DPF3: variants seen among roughly 807,000 people sequenced by gnomAD.
The protein encoded by DPF3 is double PHD fingers 3.
DPF3 carries 18 observed loss-of-function variants against 56.8 expected under a neutral mutation model. The ratio of observed to expected loss-of-function variants is 0.32; its 90% CI spans 0.22 to 0.47. The LOEUF (loss-of-function observed/expected upper bound fraction) is 0.47, where lower values mean the gene tolerates loss of function less well. DPF3 is among the 20% of genes least tolerant of loss of function. DPF3 has a pLI of 1.00. For missense variants in DPF3, 403 were observed against 488.8 expected, an observed-to-expected ratio of 0.82 and a Z score of 1.65; for synonymous variants, 188 against 180.2, an observed-to-expected ratio of 1.04 and a Z score of -0.35.
chr14:72,716,256 T>C (rs561936138), intron 5 of DPF3, among the ~76,000 whole-genome samples: 2 of 152,124 alleles, frequency 1.3e-5, no homozygotes, highest in Admixed American at 1.3e-4. Flanking sequence ...CAGGTTTTCA[T>C]CTCCTACAGC....
intron 8 of DPF3, chr14:72,671,267 C>T (rs371575132): frequency 4.3e-6 from 7 of 1,613,844 alleles, no homozygotes; most frequent in African/African-American, 4.0e-5. Flanking sequence ...GACGTGGAAC[C>T]GAATAAGTCC....
chr14:72,753,305 G>A lies in DPF3; in HGVS notation c.260C>T (p.Pro87Leu). 1.2e-6 allele frequency: 2 copies of A among 1,613,730 alleles called. No individual in the cohort carries two copies. Among genetic ancestry groups the A allele is most frequent in the Non-Finnish European group, 1.7e-6 (2 of 1,179,852 alleles). The change falls in exon 3 of 11, where the codon CCA becomes CTA. Residue 87 changes from proline to leucine, a missense_variant. Physicochemically the swap from Pro to Leu is moderately conservative, Grantham distance 98. This residue lies in a region of DPF3 where 340 missense variants were observed against 374.3 expected (regional missense o/e 0.91). Transcript: ENST00000556509. The part of the protein sequence containing the change: ...RCWRKKRRLH[P>L]PEDPKLRLLE... Reference sequence around the variant, plus strand: ...CAGCCGCAGTTTTGGATCTTCAGGTGGGTGCAATCGTCTCTTCTTGCGCCA... The same window carrying A: ...CAGCCGCAGTTTTGGATCTTCAGGTAGGTGCAATCGTCTCTTCTTGCGCCA...
chr14:72,685,153 A>G (rs1887353585), intron 7 of DPF3, among the ~76,000 whole-genome samples: 1 of 152,220 alleles, frequency 6.6e-6, no homozygotes, highest in Non-Finnish European at 1.5e-5. Context: ...ATCTCTTTTG[A>G]AAAGCCACAA....
chr14:72,722,142 C>G (rs1567211603), intron 5 of DPF3, among the ~76,000 whole-genome samples: 1 of 152,046 alleles, frequency 6.6e-6, no homozygotes, highest in Non-Finnish European at 1.5e-5. Context: ...AGATATGTGT[C>G]AGTTAAATGA....
chr14:72,823,781 A>G (rs1446194250), intron 1 of DPF3, among the ~76,000 whole-genome samples: 1 of 152,208 alleles, frequency 6.6e-6, no homozygotes, highest in Non-Finnish European at 1.5e-5. Context: ...TGTTTGCAAT[A>G]AAACAGAGAG....
chr14:72,662,785 G>A (rs557917208), intron 8 of DPF3: 50 of 988,112 alleles, frequency 5.1e-5, no homozygotes, highest in African/African-American at 4.4e-4. Context: ...CACCTTCTTC[G>A]GAAATGGCTT....
chr14:72,756,352 C>A (rs1167445285), intron 2 of DPF3, among the ~76,000 whole-genome samples: 1 of 152,184 alleles, frequency 6.6e-6, no homozygotes, highest in African/African-American at 2.4e-5. Flanking sequence ...CATGGAAATA[C>A]CTGGCATTGA....
intron 1 of DPF3, chr14:72,892,567 C>A: frequency 2.3e-6 from 3 of 1,323,026 alleles, no homozygotes; most frequent in Non-Finnish European, 2.9e-6. Context: ...CCTGTGCATT[C>A]CTTTGCGTTA....
intron 2 of DPF3, among the ~76,000 whole-genome samples, chr14:72,760,630 A>G (rs1891032452): frequency 6.6e-6 from 1 of 152,210 alleles, no homozygotes; most frequent in African/African-American, 2.4e-5. Flanking sequence ...ATATAATTTG[A>G]AAGTTAACTA....
Position 72,771,878 on chromosome 14 carries a change from G to T in DPF3, c.48C>A (p.Phe16Leu). 1.9e-6 allele frequency: 3 copies of T among 1,596,756 alleles called. No homozygotes were observed. The highest frequency in any genetic ancestry group is 2.6e-6 in the Non-Finnish European group (3 of 1,171,474). ...GGCAGTGCTCAATGGCTTCCTTGTA[G>T]AACTGGTCCCCGAGCCTGCCAGAGT... ...HNPLKALGDQ[F>L]YKEAIEHCRS... is the part of the protein sequence containing the mutation. Residue 16 changes from phenylalanine (F) to leucine (L), a missense_variant, in exon 2 of 11, where the codon TTC becomes TTA. Coordinates refer to ENST00000556509, the MANE Select transcript of DPF3 (RefSeq NM_001280542.3).
At chr14:72,782,043 G>A (rs902641690) in intron 1 of DPF3, among the ~76,000 whole-genome samples, 1 of 152,026 alleles carries the variant, frequency 6.6e-6, no homozygotes, top group African/African-American at 2.4e-5. Flanking sequence ...GAGTGTGATC[G>A]CCTATAGAAG....
chr14:72,859,557 C>T (rs1208371653), intron 1 of DPF3, among the ~76,000 whole-genome samples: 1 of 144,958 alleles, frequency 6.9e-6, no homozygotes, highest in African/African-American at 2.6e-5. Flanking sequence ...GGCCATCCCT[C>T]TTCGACCTTA....
chr14:72,861,280 T>C (rs985192383), intron 1 of DPF3, among the ~76,000 whole-genome samples: 2 of 152,232 alleles, frequency 1.3e-5, no homozygotes, highest in African/African-American at 2.4e-5. Context: ...AACTGTGACA[T>C]GTAGTATTCT....
chr14:72,841,531 A>T (rs577803460), intron 1 of DPF3, among the ~76,000 whole-genome samples: 5 of 152,122 alleles, frequency 3.3e-5, no homozygotes, highest in Non-Finnish European at 7.4e-5. Flanking sequence ...GTTAGGGGAG[A>T]GATGGAGAAC....
intron 6 of DPF3, among the ~76,000 whole-genome samples, chr14:72,713,922 AAAGT>A (rs1888771551): frequency 6.6e-6 from 1 of 152,230 alleles, no homozygotes; most frequent in Non-Finnish European, 1.5e-5. Flanking sequence ...GCCATTTATT[AAAGT>A]AAGTCATCGT....
In DPF3 at chr14:72,745,785, G is replaced by A. The variant is rs562159835; in HGVS notation, c.301+7479C>T. ...AATGACTCTATCCTGAGTCACGCGCGAAGTATCAGCCAAAAAACTGAGCTC... is the reference window on the plus strand; with the variant it reads ...AATGACTCTATCCTGAGTCACGCGCAAAGTATCAGCCAAAAAACTGAGCTC... On this transcript the variant is annotated intron_variant, in intron 3 of 10. Coordinates refer to ENST00000556509, the MANE Select transcript of DPF3 (RefSeq NM_001280542.3). Among the ~76,000 whole-genome samples the A allele has an allele frequency of 6.9e-4, 105 of 152,202 alleles. 1 individual carries two copies. Among genetic ancestry groups the A allele is most frequent in the Admixed American group, 2.9e-3 (44 of 15,290 alleles).
At chr14:72,849,846 A>G (rs1884904023) in intron 1 of DPF3, among the ~76,000 whole-genome samples, 1 of 152,202 alleles carries the variant, frequency 6.6e-6, no homozygotes, top group Non-Finnish European at 1.5e-5. Flanking sequence ...GGCTGGGCAC[A>G]GTGGCTCATG....
chr14:72,779,327 G>A (rs1891875681), intron 1 of DPF3, among the ~76,000 whole-genome samples: 1 of 152,182 alleles, frequency 6.6e-6, no homozygotes, highest in South Asian at 2.1e-4. Context: ...CAGCACCTGG[G>A]ACATTGCAGC....
At chr14:72,868,425 G>A (rs1175683116) in intron 1 of DPF3, among the ~76,000 whole-genome samples, 1 of 152,172 alleles carries the variant, frequency 6.6e-6, no homozygotes, top group Non-Finnish European at 1.5e-5. Context: ...CTTTGTTGTT[G>A]CATATGCAGG....
Sources: allele counts gnomAD v4.1 joint callset (sites outside exome capture counted in the v4.1 genomes callset), GRCh38; gene constraint gnomAD v4.1.1; regional missense constraint gnomAD v4.1.1; transcripts MANE v1.5; gene names NCBI Gene and HGNC (gene_info 2026-07-23, HGNC 2026-07-21).